Variants in PPFIA1 observed in about 807,000 individuals in gnomAD.
PPFIA1 encodes PPFI scaffold protein A1.
PPFIA1 carries 25 observed loss-of-function variants against 149.9 expected under a neutral mutation model. The observed-to-expected ratio is 0.17, with a 90% CI of 0.12 to 0.23. The LOEUF is 0.23. Ranked by LOEUF, PPFIA1 falls within the 10% of genes least tolerant of loss-of-function variation. PPFIA1 has a pLI of 1.00. For missense variants in PPFIA1, 1,362 were observed against 1,506.5 expected (o/e 0.90, Z 1.59); for synonymous variants, 549 against 552.8 (o/e 0.99, Z 0.10).
chr11:70,375,122 T>G, intron 24 of PPFIA1, 29 bp downstream of exon 24: 1 of 1,424,700 alleles, frequency 7.0e-7, no homozygotes, highest in South Asian at 1.4e-5. Flanking sequence ...GTGTCTGCAC[T>G]CATTGTTCAG....
At chr11:70,348,522 T>C in intron 16 of PPFIA1, 102 bp downstream of exon 16, 1 of 921,718 alleles carries the variant, frequency 1.1e-6, no homozygotes, top group South Asian at 1.6e-5. Flanking sequence ...ACATTCGTTA[T>C]TCTAAGAGGT....
chr11:70,347,537 AC>A (rs887328847), intron 15 of PPFIA1, among the ~76,000 whole-genome samples: 1 of 152,150 alleles, frequency 6.6e-6, no homozygotes. Flanking sequence ...CCTTGTCTCT[AC>A]AAAAAAAATT....
chr11:70,326,067 C>T (rs1017478912), intron 5 of PPFIA1, among the ~76,000 whole-genome samples, 195 bp from the exon 6 acceptor site: 1 of 152,250 alleles, frequency 6.6e-6, no homozygotes, highest in South Asian at 2.1e-4. Flanking sequence ...CCTAAGGACT[C>T]GTCTGGCCAG....
intron 2 of PPFIA1, among the ~76,000 whole-genome samples, chr11:70,276,661 C>T (rs1348986871): frequency 6.6e-6 from 1 of 151,946 alleles, no homozygotes; most frequent in African/African-American, 2.4e-5. Flanking sequence ...ACAGGGTTTT[C>T]CTTGTGAGAA....
At position 70,375,039 on chromosome 11, in the gene PPFIA1, CT is replaced by C; in HGVS notation, c.3263del (p.Phe1088SerfsTer65). ...GAGCACTTCTGGCCTTAGATGAAACCTTCGACTTCAGTGCACTGGCACTGCT... is the reference window on the plus strand; with the variant it reads ...GAGCACTTCTGGCCTTAGATGAAACCTCGACTTCAGTGCACTGGCACTGCT... The part of the protein sequence containing the change: ...HGALLALDET[F>X]DFSALALLLQ... On this transcript the variant is annotated frameshift_variant, in exon 24 of 28. Coordinates refer to ENST00000253925, the MANE Select transcript of PPFIA1 (RefSeq NM_003626.5). LOFTEE classifies it high-confidence loss of function. 1 of 1,613,704 alleles carries C rather than the reference CT, an allele frequency of 6.2e-7. No individual in the cohort carries two copies.
rs528530294 is a variant in PPFIA1 at position 70,311,660 on chromosome 11, A to G, written c.265-12742A>G. Among the ~76,000 whole-genome samples the G allele has an allele frequency of 1.1e-4, 17 of 152,146 alleles. No individual in the cohort carries two copies. The South Asian group carries it at 3.5e-3, about 32-fold the overall frequency. On this transcript the variant is annotated intron_variant, in intron 2 of 27. Coordinates refer to ENST00000253925, the MANE Select transcript of PPFIA1 (RefSeq NM_003626.5). ...TGGTGGCGATACTGCCTTTCAGTTG[A>G]ATGGCACTTTTGATGGTTTTCCCAT...
chr11:70,333,884 C>A (rs1163212593), intron 10 of PPFIA1, among the ~76,000 whole-genome samples: 1 of 152,150 alleles, frequency 6.6e-6, no homozygotes, highest in African/African-American at 2.4e-5. Flanking sequence ...GGCCCCCCTA[C>A]CCCCTGCAAA....
chr11:70,278,025 C>T (rs1163884731), intron 2 of PPFIA1, among the ~76,000 whole-genome samples: 3 of 152,246 alleles, frequency 2.0e-5, no homozygotes, highest in East Asian at 3.9e-4. Context: ...ATTCTCCTGC[C>T]TCAGCCGCCC....
At position 70,299,487 on chromosome 11, in the gene PPFIA1, C is replaced by T. The variant is rs142244672; in HGVS notation, c.265-24915C>T. Among the ~76,000 whole-genome samples, 427 of 152,258 alleles carry T rather than the reference C, an allele frequency of 2.8e-3. 3 individuals are homozygous for T. The highest frequency in any genetic ancestry group is 9.8e-3 in the African/African-American group (409 of 41,528). ...TTGCTATCCACAAAGATACTGTTCT[C>T]GGACAGTTACTTTCATCTGAACAAA... is the stretch of plus-strand genomic sequence containing the variant. On this transcript the variant is annotated intron_variant, in intron 2 of 27. Coordinates refer to ENST00000253925, the MANE Select transcript of PPFIA1 (RefSeq NM_003626.5).
At chr11:70,371,998 C>T (rs530568375) in intron 21 of PPFIA1, 11 of 373,728 alleles carry the variant, frequency 2.9e-5, no homozygotes, top group East Asian at 1.7e-4. Context: ...TTTATCACAA[C>T]GAATCATATA....
rs146858711 is a variant in PPFIA1 at position 70,343,786 on chromosome 11, A to G, written c.1825A>G (p.Thr609Ala). ...DVSDGEDDRD[T>A]LLSSVDLLSP... ...GTCTGATGGTGAAGATGACAGGGAC[A>G]CTCTCCTCAGCTCAGTTGACCTGCT... The change falls in exon 15 of 28, where the codon ACT (threonine) becomes GCT (alanine). Residue 609 changes from threonine to alanine, a missense_variant. This residue lies in a region of PPFIA1 where 733 missense variants were observed against 744.1 expected (regional missense o/e 0.99). Coordinates refer to ENST00000253925, the MANE Select transcript of PPFIA1 (RefSeq NM_003626.5). The G allele has an allele frequency of 1.8e-3, 2,936 of 1,614,002 alleles. 11 individuals are homozygous for G. The highest frequency in any genetic ancestry group is 1.8e-3 in the Non-Finnish European group (2,143 of 1,180,024).
At chr11:70,348,160 G>T in intron 15 of PPFIA1, 29 bp from the exon 16 acceptor site, 1 of 1,602,708 alleles carries the variant, frequency 6.2e-7, no homozygotes, top group South Asian at 1.1e-5. Context: ...GCCGAAACAG[G>T]AGGACTGACT....
intron 2 of PPFIA1, among the ~76,000 whole-genome samples, chr11:70,279,890 GTGTGTGTGTGGGGGA>G (rs993970237): frequency 1.9e-4 from 28 of 148,886 alleles, no homozygotes; most frequent in Non-Finnish European, 3.8e-4. Flanking sequence ...TGTCCGGCCT[GTGTGTGTGTGGGGGA>G]TGTGTGTGTG....
intron 2 of PPFIA1, among the ~76,000 whole-genome samples, chr11:70,305,984 T>C (rs953671681): frequency 2.0e-5 from 3 of 152,216 alleles, no homozygotes; most frequent in Non-Finnish European, 4.4e-5. Flanking sequence ...GGAGAAATTG[T>C]GCTGACATTT....
chr11:70,298,434 C>T (rs2052239798), intron 2 of PPFIA1, among the ~76,000 whole-genome samples: 1 of 152,220 alleles, frequency 6.6e-6, no homozygotes, highest in Non-Finnish European at 1.5e-5. Flanking sequence ...TGCTTAAAAG[C>T]ACATTCCTGT....
intron 2 of PPFIA1, among the ~76,000 whole-genome samples, chr11:70,295,809 G>A (rs1419197645): frequency 6.6e-6 from 1 of 151,864 alleles, no homozygotes. Flanking sequence ...CCTGGACGGG[G>A]CGGCTGCTGG....
At chr11:70,301,101 C>T (rs75150611) in intron 2 of PPFIA1, among the ~76,000 whole-genome samples, 1,979 of 152,258 alleles carry the variant, frequency 0.013, 44 homozygotes, top group African/African-American at 0.044. Context: ...GGGTCCTCTG[C>T]GTACCAATTT....
Position 70,344,147 on chromosome 11 carries a change from C to T in PPFIA1, c.1931+255C>T, listed in dbSNP as rs547626191. Among the ~76,000 whole-genome samples, 4 of 152,312 alleles carry T rather than the reference C, an allele frequency of 2.6e-5. No homozygotes were observed. In the East Asian group the frequency reaches 7.7e-4, roughly 29 times the overall value. On this transcript the variant is annotated intron_variant, in intron 15 of 27. Coordinates refer to ENST00000253925, the MANE Select transcript of PPFIA1 (RefSeq NM_003626.5). ...TAGGACATTGTGGGACCTGAGAGGT[C>T]CTTCCCCTGAGAAGCTCGCCACATA...
In PPFIA1 at chr11:70,362,483, A is replaced by G. The variant is rs1348636940; in HGVS notation, c.2860A>G (p.Arg954Gly). Reference protein sequence around the residue: ...LTSPSAPPTSRTTLAYGDMNH... With the variant: ...LTSPSAPPTSGTTLAYGDMNH... ...CAGCCCGTCTGCCCCGCCCACATCT[A>G]GAACGGTACGTTCAGAGACAACCCC... Residue 954 changes from arginine to glycine, a missense_variant, in exon 21 of 28, where the codon AGA (arginine) becomes GGA (glycine). This residue lies in a region of PPFIA1 where 349 missense variants were observed against 373.3 expected (regional missense o/e 0.93). Transcript: ENST00000253925. 6.2e-7 allele frequency: 1 copy of G among 1,607,130 alleles called. No individual in the cohort carries two copies. The highest frequency in any genetic ancestry group is 8.5e-7 in the Non-Finnish European group (1 of 1,176,050).
Sources: gnomAD v4.1 joint callset for allele counts (sites outside exome capture counted in the v4.1 genomes callset) on GRCh38, gnomAD v4.1.1 for gene constraint, gnomAD v4.1.1 regional missense constraint, MANE v1.5 for transcripts, NCBI Gene and HGNC (gene_info 2026-07-23, HGNC 2026-07-21) for gene names.